Variants in ARNT2 observed in about 807,000 individuals in gnomAD.
ARNT2 encodes ARNT protein 2.
A neutral mutation model predicts 91.7 loss-of-function variants in ARNT2; 36 were observed. The ratio of observed to expected loss-of-function variants is 0.39; its 90% confidence interval spans 0.30 to 0.52. The LOEUF is 0.52. Among genes scored for constraint, ARNT2 ranks in the 20% least tolerant of loss-of-function variants. The pLI is 0.72. For synonymous variants in ARNT2, 365 were observed against 347.1 expected, an observed-to-expected ratio of 1.05 and a Z score of -0.57; for missense variants, 775 against 939.3, an observed-to-expected ratio of 0.83 and a Z score of 2.29.
chr15:80,443,319 G>C (rs62006384), intron 1 of ARNT2, among the ~76,000 whole-genome samples: 21,759 of 152,186 alleles, frequency 0.14, 1,712 homozygotes, highest in South Asian at 0.24. Flanking sequence ...ACAAGTTGAT[G>C]ATGGCAGGGA....
intron 4 of ARNT2, 48 bp downstream of exon 4, chr15:80,470,479 G>A (rs183312322): frequency 3.5e-5 from 55 of 1,589,480 alleles, no homozygotes; most frequent in African/African-American, 1.5e-4. Flanking sequence ...GAATCCCAGC[G>A]TCACCAAGAC....
chr15:80,438,951 A>C (rs1896141702), intron 1 of ARNT2, among the ~76,000 whole-genome samples: 1 of 152,206 alleles, frequency 6.6e-6, no homozygotes, highest in Non-Finnish European at 1.5e-5. Flanking sequence ...GGCCTCCCAA[A>C]GTGTTGTCTC....
intron 15 of ARNT2, among the ~76,000 whole-genome samples, chr15:80,579,021 G>A (rs1898739707): frequency 2.0e-5 from 3 of 152,176 alleles, no homozygotes; most frequent in South Asian, 4.1e-4. Context: ...CGCCAGTTTT[G>A]GCCCCTGCCT....
At chr15:80,523,928 A>C (rs909477828) in intron 8 of ARNT2, among the ~76,000 whole-genome samples, 1 of 152,220 alleles carries the variant, frequency 6.6e-6, no homozygotes, top group East Asian at 1.9e-4. Flanking sequence ...TGAAGGAGCC[A>C]GGGGTGTTTA....
chr15:80,592,499 G>T (rs148312902), intron 18 of ARNT2, among the ~76,000 whole-genome samples: 17 of 152,196 alleles, frequency 1.1e-4, no homozygotes, highest in Non-Finnish European at 2.2e-4. Flanking sequence ...GAACCACATC[G>T]TGGGAGGGTT....
chr15:80,416,628 TTG>T (rs920885897), intron 1 of ARNT2, among the ~76,000 whole-genome samples: 15 of 87,814 alleles, frequency 1.7e-4, no homozygotes, highest in African/African-American at 4.4e-4. Context: ...TCAGTTTTTT[TTG>T]TTTGTTTGTT....
At chr15:80,520,558 C>CA (rs150736881) in intron 8 of ARNT2, among the ~76,000 whole-genome samples, 103 of 74,528 alleles carry the variant, frequency 1.4e-3, no homozygotes, top group African/African-American at 2.9e-3. Context: ...GTTCTTACCA[C>CA]AAAAAAAAAT....
rs1018970683 is a variant in ARNT2, at chr15:80,572,190, A to T, written c.1317-1958A>T. 6.6e-5 allele frequency among the ~76,000 whole-genome samples: 10 copies of T among 150,990 alleles called. No homozygotes were observed. In the South Asian group the frequency reaches 1.3e-3, roughly 19 times the overall value. ...AAGGTGAGTTAGGATGAATGCAGGC[A>T]CCTAGCAGGGGGCCAGGGCAAATGC... is the stretch of plus-strand genomic sequence containing the variant. On this transcript the variant is annotated intron_variant, in intron 12 of 18. Transcript: ENST00000303329.
intron 1 of ARNT2, among the ~76,000 whole-genome samples, chr15:80,433,262 A>ATTTTAT (rs1896037611): frequency 3.4e-5 from 2 of 58,746 alleles, no homozygotes; most frequent in African/African-American, 4.4e-5. Context: ...ATTTTATTTT[A>ATTTTAT]TTTTATTTTA....
intron 8 of ARNT2, among the ~76,000 whole-genome samples, chr15:80,550,004 G>A (rs1393051825): frequency 6.6e-6 from 1 of 152,196 alleles, no homozygotes; most frequent in Admixed American, 6.5e-5. Flanking sequence ...ATGAAGCAGT[G>A]TGCAGTTATA....
chr15:80,566,141 C>A (rs988486917), intron 12 of ARNT2, among the ~76,000 whole-genome samples: 2 of 152,202 alleles, frequency 1.3e-5, no homozygotes, highest in African/African-American at 4.8e-5. Flanking sequence ...TTGTCAACAG[C>A]ACCAGCAGCA....
At position 80,597,607 on chromosome 15, in the gene ARNT2, G is replaced by A. The variant is rs113160643; in HGVS notation, c.*3909G>A. 1.1e-3 allele frequency: 208 copies of A among 181,328 alleles called. 1 individual carries two copies. Among genetic ancestry groups the A allele is most frequent in the African/African-American group, 4.7e-3 (201 of 42,466 alleles). The allele number at this position is 181,328 out of a possible 1,614,324, so 11.2% of individuals were successfully genotyped here. ...GTGTTATGGTCAACAACAGGCCAGG[G>A]TCTGTGGGGCACTGACCTTGAAAGT... On this transcript the variant is annotated 3_prime_UTR_variant, in exon 19 of 19. Coordinates refer to ENST00000303329, the MANE Select transcript of ARNT2 (RefSeq NM_014862.4).
chr15:80,532,242 G>A (rs1161441369), intron 8 of ARNT2, among the ~76,000 whole-genome samples: 1 of 152,110 alleles, frequency 6.6e-6, no homozygotes, highest in Admixed American at 6.5e-5. Flanking sequence ...CAGGATGTCT[G>A]AGTCAGGACA....
chr15:80,487,157 T>G (rs1387565878), intron 5 of ARNT2, among the ~76,000 whole-genome samples: 2 of 152,304 alleles, frequency 1.3e-5, no homozygotes, highest in Admixed American at 1.3e-4. Flanking sequence ...TACTTCTCCC[T>G]GCTTCTCATA....
chr15:80,478,486 G>A (rs1029888100), intron 5 of ARNT2, among the ~76,000 whole-genome samples: 1 of 152,248 alleles, frequency 6.6e-6, no homozygotes, highest in East Asian at 1.9e-4. Flanking sequence ...CCAGTACAGT[G>A]GAGGGTGTCC....
intron 1 of ARNT2, among the ~76,000 whole-genome samples, chr15:80,449,849 G>T: frequency 6.6e-6 from 1 of 152,180 alleles, no homozygotes; most frequent in East Asian, 1.9e-4. Context: ...ACTAAGAAGG[G>T]CCCAGATTCC....
At chr15:80,481,391 G>A (rs28391752) in intron 5 of ARNT2, among the ~76,000 whole-genome samples, 1,872 of 152,214 alleles carry the variant, frequency 0.012, 46 homozygotes, top group African/African-American at 0.042. Context: ...TGGGACACTC[G>A]GTGCATGTTG....
intron 5 of ARNT2, chr15:80,488,702 C>T (rs1011137717): frequency 2.0e-5 from 3 of 152,028 alleles, no homozygotes; most frequent in Non-Finnish European, 4.4e-5. Flanking sequence ...CCAACAAACC[C>T]CACGCATAAA....
At chr15:80,486,518 A>G (rs551912100) in intron 5 of ARNT2, among the ~76,000 whole-genome samples, 1 of 152,260 alleles carries the variant, frequency 6.6e-6, no homozygotes, top group African/African-American at 2.4e-5. Flanking sequence ...GCCTCTTCTC[A>G]TTGTCAGATC....
Sources: allele counts gnomAD v4.1 joint callset (sites outside exome capture counted in the v4.1 genomes callset), GRCh38; gene constraint gnomAD v4.1.1; transcripts MANE v1.5; gene names NCBI Gene and HGNC (gene_info 2026-07-23, HGNC 2026-07-21).